The following IFT140 variants were observed in gnomAD, a reference collection of about 807,000 sequenced individuals.
The protein encoded by IFT140 is intraflagellar transport 140.
A neutral mutation model predicts 164.6 loss-of-function variants in IFT140; 133 were observed. The observed-to-expected ratio is 0.81, with a 90% CI of 0.70 to 0.93. The LOEUF (loss-of-function observed/expected upper bound fraction) is 0.93, where lower values mean the gene tolerates loss of function less well. Ranked by LOEUF, IFT140 falls within the 40% of genes least tolerant of loss-of-function variation. The probability of loss-of-function intolerance (pLI) is 0.00; values close to 1 mark genes in which losing one functional copy is unlikely to be tolerated. For missense variants in IFT140, 2,045 were observed against 1,972.3 expected, an observed-to-expected ratio of 1.04 and a Z score of -0.70; for synonymous variants, 860 against 817.3, an observed-to-expected ratio of 1.05 and a Z score of -0.89.
intron 4 of IFT140, among the ~76,000 whole-genome samples, chr16:1,598,328 G>T (rs2035567510): frequency 6.6e-6 from 1 of 151,976 alleles, no homozygotes; most frequent in African/African-American, 2.4e-5. Flanking sequence ...CGTGGTGGCG[G>T]GCACCTGTAG....
At chr16:1,554,199 C>T in intron 19 of IFT140, 1 of 1,144,216 alleles carries the variant, frequency 8.7e-7, no homozygotes, top group Non-Finnish European at 1.1e-6. Flanking sequence ...GAGCTGCAGA[C>T]TCCAGGCCAT....
At chr16:1,570,577 A>G (rs1460454004) in intron 14 of IFT140, among the ~76,000 whole-genome samples, 1 of 152,154 alleles carries the variant, frequency 6.6e-6, no homozygotes, top group African/African-American at 2.4e-5. Context: ...TCTCCACTAG[A>G]GAGCCGAGCT....
intron 2 of IFT140, among the ~76,000 whole-genome samples, 166 bp from the exon 3 acceptor site, chr16:1,607,463 C>T (rs2036136205): frequency 6.6e-6 from 1 of 152,178 alleles, no homozygotes; most frequent in South Asian, 2.1e-4. Flanking sequence ...GCGAGGAGAT[C>T]TCCAACAGGG....
At chr16:1,519,456 A>C (rs1464985003) in intron 29 of IFT140, among the ~76,000 whole-genome samples, 1 of 151,784 alleles carries the variant, frequency 6.6e-6, no homozygotes, top group East Asian at 1.9e-4. Flanking sequence ...TCTCCTCTCC[A>C]CAAGCTTGGA....
At chr16:1,567,605 T>G (rs1425572624) in intron 15 of IFT140, among the ~76,000 whole-genome samples, 2 of 152,354 alleles carry the variant, frequency 1.3e-5, no homozygotes, top group East Asian at 3.9e-4. Flanking sequence ...AGCACCTCTG[T>G]GTCCGTGGTG....
intron 6 of IFT140, among the ~76,000 whole-genome samples, chr16:1,591,508 C>T (rs1473076056): frequency 1.3e-5 from 2 of 152,230 alleles, no homozygotes; most frequent in African/African-American, 2.4e-5. Context: ...TCCTTTCTCC[C>T]GAGACCCGGC....
At chr16:1,600,894 A>C (rs1318689880) in intron 4 of IFT140, among the ~76,000 whole-genome samples, 1 of 143,010 alleles carries the variant, frequency 7.0e-6, no homozygotes, top group Non-Finnish European at 1.5e-5. Flanking sequence ...ATGAAAGACC[A>C]AAAAAAAAAA....
chr16:1,582,149 G>C (rs936809906), intron 12 of IFT140, among the ~76,000 whole-genome samples: 1 of 152,138 alleles, frequency 6.6e-6, no homozygotes, highest in African/African-American at 2.4e-5. Context: ...GGCTGGGAAA[G>C]GTTCCCTAAA....
Position 1,590,062 on chromosome 16 carries a change from G to C in IFT140, c.635-282C>G, listed in dbSNP as rs541016837. 1.1e-3 allele frequency among the ~76,000 whole-genome samples: 169 copies of C among 151,972 alleles called. 3 individuals are homozygous for C. Among genetic ancestry groups the C allele is most frequent in the Admixed American group, 3.3e-4 (5 of 15,270 alleles). ...AAATACAAAAACTAGCCAGGCGGGCGTGGTGGTATGTGCCTGTAATCCCAT... is the reference window on the plus strand; with the variant it reads ...AAATACAAAAACTAGCCAGGCGGGCCTGGTGGTATGTGCCTGTAATCCCAT... On this transcript the variant is annotated intron_variant, in intron 6 of 30. Transcript: ENST00000426508.
intron 29 of IFT140, among the ~76,000 whole-genome samples, chr16:1,519,561 C>T (rs2040458274): frequency 6.6e-6 from 1 of 152,148 alleles, no homozygotes. Context: ...CAGGACTCCC[C>T]TGCCCGGCCC....
intron 27 of IFT140, 51 bp from the exon 28 acceptor site, chr16:1,520,394 AG>A (rs2045951819): frequency 2.5e-6 from 4 of 1,581,026 alleles, no homozygotes; most frequent in Admixed American, 1.7e-5. Context: ...GGCCGGGACA[AG>A]CACAAGGGAC....
intron 18 of IFT140, among the ~76,000 whole-genome samples, chr16:1,560,282 T>G (rs2033333397): frequency 6.6e-6 from 1 of 152,146 alleles, no homozygotes; most frequent in Non-Finnish European, 1.5e-5. Flanking sequence ...CAGGGAACAG[T>G]GTGACGCATA....
At chr16:1,610,314 T>G (rs751882693) in intron 2 of IFT140, 8 of 154,882 alleles carry the variant, frequency 5.2e-5, no homozygotes, top group Non-Finnish European at 1.2e-4. Flanking sequence ...AAACATAGCA[T>G]GTTTTTGTTT....
At chr16:1,555,069 G>A in intron 19 of IFT140, 2 of 1,571,678 alleles carry the variant, frequency 1.3e-6, no homozygotes, top group Non-Finnish European at 1.7e-6. Context: ...CTGCTATCGT[G>A]GAACAGCCTA....
chr16:1,525,704 G>C (rs1208509355), intron 21 of IFT140, among the ~76,000 whole-genome samples, 183 bp downstream of exon 21: 2 of 152,194 alleles, frequency 1.3e-5, no homozygotes, highest in Admixed American at 6.5e-5. Flanking sequence ...GGCCCAGGAT[G>C]GAAGGGGCAA....
chr16:1,605,221 C>T (rs371991714), intron 3 of IFT140, among the ~76,000 whole-genome samples: 2 of 152,056 alleles, frequency 1.3e-5, no homozygotes, highest in Non-Finnish European at 2.9e-5. Flanking sequence ...ACGCCCTACC[C>T]CTGCGCTCTC....
intron 3 of IFT140, among the ~76,000 whole-genome samples, chr16:1,603,963 G>A (rs535368797): frequency 6.6e-6 from 1 of 152,280 alleles, no homozygotes; most frequent in African/African-American, 2.4e-5. Flanking sequence ...GTGCCAACTG[G>A]AAACACAGAA....
At chr16:1,577,449 A>G (rs1344244475) in intron 13 of IFT140, 1 of 152,194 alleles carries the variant, frequency 6.6e-6, no homozygotes, top group Non-Finnish European at 1.5e-5. Context: ...CTTCCAGTCA[A>G]TGGTAGGCTG....
intron 19 of IFT140, among the ~76,000 whole-genome samples, chr16:1,544,340 T>C (rs145888109): frequency 0.012 from 1,770 of 150,616 alleles, 34 homozygotes; most frequent in African/African-American, 0.035. Context: ...CCCGCCACCA[T>C]GCCCGGCTAA....
Sources: allele counts gnomAD v4.1 joint callset (sites outside exome capture counted in the v4.1 genomes callset), GRCh38; gene constraint gnomAD v4.1.1; transcripts MANE v1.5; gene names NCBI Gene and HGNC (gene_info 2026-07-23, HGNC 2026-07-21).